PLCB4: variants seen among roughly 807,000 people sequenced by gnomAD.
The protein encoded by PLCB4 is 1-phosphatidylinositol 4,5-bisphosphate phosphodiesterase beta-4.
PLCB4 carries 77 observed loss-of-function variants against 178.8 expected under a neutral mutation model. The observed-to-expected ratio is 0.43, with a 90% CI of 0.36 to 0.52. PLCB4 has a LOEUF of 0.52. Ranked by LOEUF, PLCB4 falls within the 20% of genes least tolerant of loss-of-function variation. The probability of loss-of-function intolerance (pLI) is 0.00; values close to 1 mark genes in which losing one functional copy is unlikely to be tolerated. For synonymous variants in PLCB4, 496 were observed against 490.8 expected (o/e 1.01, Z -0.14); for missense variants, 1,024 against 1,453.4 (o/e 0.70, Z 4.80).
chr20:9,468,501 ATC>A (rs1005145838), intron 35 of PLCB4, 68 bp from the exon 36 acceptor site: 2 of 904,464 alleles, frequency 2.2e-6, no homozygotes, highest in Admixed American at 3.5e-5. Flanking sequence ...CCCCAGGTGA[ATC>A]TCTCTACCCA....
intron 28 of PLCB4, among the ~76,000 whole-genome samples, chr20:9,431,638 G>A (rs1298929264): frequency 1.5e-5 from 2 of 135,186 alleles, no homozygotes; most frequent in Non-Finnish European, 3.1e-5. Flanking sequence ...GCCAATTTGT[G>A]TGTGTGTGTG....
intron 32 of PLCB4, among the ~76,000 whole-genome samples, chr20:9,444,474 GT>G (rs1308065043): frequency 1.3e-5 from 2 of 152,134 alleles, no homozygotes; most frequent in African/African-American, 4.8e-5. Context: ...TTTAAAAATT[GT>G]TTCACTAGGC....
At chr20:9,163,214 A>G (rs899955426) in intron 2 of PLCB4, among the ~76,000 whole-genome samples, 1 of 152,204 alleles carries the variant, frequency 6.6e-6, no homozygotes, top group Non-Finnish European at 1.5e-5. Flanking sequence ...TGTTAAAGGA[A>G]CTTGAGTAAA....
chr20:9,232,373 A>G (rs2094778413), intron 3 of PLCB4, among the ~76,000 whole-genome samples: 1 of 152,158 alleles, frequency 6.6e-6, no homozygotes, highest in South Asian at 2.1e-4. Flanking sequence ...ATGATCATCA[A>G]AAGGGAACAT....
chr20:9,144,054 A>G (rs2092546936), intron 2 of PLCB4, among the ~76,000 whole-genome samples: 1 of 152,160 alleles, frequency 6.6e-6, no homozygotes. Flanking sequence ...GTCTTTCTGA[A>G]GTTTGCTTTT....
chr20:9,357,255 G>A (rs751107990), intron 7 of PLCB4, among the ~76,000 whole-genome samples: 2 of 152,108 alleles, frequency 1.3e-5, no homozygotes, highest in Non-Finnish European at 2.9e-5. Flanking sequence ...TCAGATATAG[G>A]GAAGATGAAA....
intron 3 of PLCB4, among the ~76,000 whole-genome samples, chr20:9,235,512 G>A (rs556365980): frequency 6.6e-6 from 1 of 152,272 alleles, no homozygotes; most frequent in South Asian, 2.1e-4. Flanking sequence ...TATACATATT[G>A]TAGCCTCAGG....
chr20:9,383,238 T>C (rs2037295149), intron 13 of PLCB4, among the ~76,000 whole-genome samples: 1 of 152,182 alleles, frequency 6.6e-6, no homozygotes, highest in Non-Finnish European at 1.5e-5. Flanking sequence ...TGGTATGGAA[T>C]GGAATTGAGG....
In PLCB4 at chr20:9,387,515, A is replaced by G. The variant is rs1568711293; in HGVS notation, c.1117A>G (p.Ile373Val). 7 of 1,601,430 alleles carry G rather than the reference A, an allele frequency of 4.4e-6. No individual in the cohort carries two copies. The highest frequency in any genetic ancestry group is 6.0e-6 in the Non-Finnish European group (7 of 1,170,136). The change falls in exon 15 of 40, where the codon ATA becomes GTA. Residue 373 changes from isoleucine (I) to valine (V), a missense_variant. Transcript: ENST00000378473. ...AAAAGGTGAAGACCAAGAACCAATAATAACTCATGGAAAAGCAATGTGTAC... is the reference window on the plus strand; with the variant it reads ...AAAAGGTGAAGACCAAGAACCAATAGTAACTCATGGAAAAGCAATGTGTAC... ...DGKGEDQEPI[I>V]THGKAMCTDI...
intron 2 of PLCB4, among the ~76,000 whole-genome samples, chr20:9,206,140 A>G (rs1334076684): frequency 6.6e-6 from 1 of 152,154 alleles, no homozygotes; most frequent in Admixed American, 6.5e-5. Flanking sequence ...ATGGAACTTT[A>G]GGTATTCCTG....
chr20:9,084,004 G>T (rs2090285380), intron 1 of PLCB4, among the ~76,000 whole-genome samples: 2 of 152,176 alleles, frequency 1.3e-5, no homozygotes, highest in Admixed American at 1.3e-4. Flanking sequence ...GATGAAAGCA[G>T]TCCTTGTGAT....
intron 3 of PLCB4, among the ~76,000 whole-genome samples, chr20:9,296,468 G>C (rs1489073868): frequency 1.3e-5 from 2 of 152,160 alleles, no homozygotes; most frequent in East Asian, 3.9e-4. Context: ...CAGGGATCTA[G>C]AACTAGAAAT....
rs2037776997 is a variant in PLCB4, at chr20:9,387,508, A to G, written c.1110A>G (p.Glu370=). The change falls in exon 15 of 40, where the codon GAA becomes GAG. Residue 370 remains glutamate (E), a synonymous_variant. Coordinates refer to ENST00000378473, the MANE Select transcript of PLCB4 (RefSeq NM_001377142.1). ...DCWDGKGEDQ[E]PIITHGKAMC... ...GGGATGGAAAAGGTGAAGACCAAGA[A>G]CCAATAATAACTCATGGAAAAGCAA... is the stretch of plus-strand genomic sequence containing the variant. 6.2e-7 allele frequency: 1 copy of G among 1,601,416 alleles called. No homozygotes were observed. The highest frequency in any genetic ancestry group is 1.3e-5 in the African/African-American group (1 of 74,668).
At chr20:9,176,308 T>C (rs1014720420) in intron 2 of PLCB4, among the ~76,000 whole-genome samples, 1 of 152,204 alleles carries the variant, frequency 6.6e-6, no homozygotes, top group Non-Finnish European at 1.5e-5. Context: ...CTATGAACAT[T>C]TGTGTACAAA....
At position 9,414,587 on chromosome 20, in the gene PLCB4, G is replaced by T. The variant is rs568347228; in HGVS notation, c.2051+3499G>T. On this transcript the variant is annotated intron_variant, in intron 25 of 39. Transcript: ENST00000378473. ...CCTGTTTTATATAGAACATCAGTGT[G>T]CAAAGTACACAAACACCCCCAGGAT... is the stretch of plus-strand genomic sequence containing the variant. 2.6e-5 allele frequency among the ~76,000 whole-genome samples: 4 copies of T among 152,332 alleles called. No individual in the cohort carries two copies. In the East Asian group the frequency reaches 5.8e-4, roughly 22 times the overall value.
At chr20:9,109,602 G>A (rs1415185595) in intron 2 of PLCB4, among the ~76,000 whole-genome samples, 1 of 151,846 alleles carries the variant, frequency 6.6e-6, no homozygotes, top group East Asian at 1.9e-4. Context: ...TATAAAAGCT[G>A]GGCTCATGAA....
chr20:9,384,836 T>A (rs1254425724), intron 14 of PLCB4, among the ~76,000 whole-genome samples: 1 of 148,660 alleles, frequency 6.7e-6, no homozygotes, highest in African/African-American at 2.5e-5. Flanking sequence ...CATTCTTGGG[T>A]GTTTCTCAGT....
intron 2 of PLCB4, among the ~76,000 whole-genome samples, chr20:9,127,899 C>A (rs1261447620): frequency 6.6e-6 from 1 of 152,070 alleles, no homozygotes; most frequent in East Asian, 1.9e-4. Context: ...GTTGGCCAGA[C>A]TCGTCTTGAA....
intron 4 of PLCB4, among the ~76,000 whole-genome samples, chr20:9,318,422 G>A (rs2094924554): frequency 6.6e-6 from 1 of 151,834 alleles, no homozygotes; most frequent in Non-Finnish European, 1.5e-5. Context: ...ATGGGTGTGA[G>A]GCATGCAAAA....
Sources: allele counts gnomAD v4.1 joint callset (sites outside exome capture counted in the v4.1 genomes callset), GRCh38; gene constraint gnomAD v4.1.1; transcripts MANE v1.5; gene names NCBI Gene and HGNC (gene_info 2026-07-23, HGNC 2026-07-21).